Variants in FAM20C observed in about 807,000 individuals in gnomAD.
The protein encoded by FAM20C is extracellular serine/threonine protein kinase FAM20C.
A neutral mutation model predicts 51.5 loss-of-function variants in FAM20C; 40 were observed. The ratio of observed to expected loss-of-function variants is 0.78; its 90% CI spans 0.60 to 1.01. The LOEUF (loss-of-function observed/expected upper bound fraction) is 1.01, where lower values mean the gene tolerates loss of function less well. Among genes scored for constraint, FAM20C ranks in the 50% least tolerant of loss-of-function variants. FAM20C has a pLI of 0.00. For synonymous variants in FAM20C, 406 were observed against 380.6 expected (o/e 1.07, Z -0.78); for missense variants, 861 against 844.7 (o/e 1.02, Z -0.24).
At chr7:258,502 C>T (rs1788738530) in intron 8 of FAM20C, 144 bp from the exon 9 acceptor site, 2 of 707,678 alleles carry the variant, frequency 2.8e-6, no homozygotes, top group Non-Finnish European at 4.9e-6. Flanking sequence ...GACCCACTGC[C>T]CGGGGTGCTG....
intron 5 of FAM20C, among the ~76,000 whole-genome samples, chr7:253,172 G>A (rs548662622): frequency 1.9e-4 from 29 of 152,312 alleles, no homozygotes; most frequent in African/African-American, 5.1e-4. Flanking sequence ...GACCCAGTTC[G>A]GGCACCCAGA....
Position 260,008 on chromosome 7 carries a change from A to T in FAM20C, c.*28A>T, listed in dbSNP as rs1194668624. 1.7e-5 allele frequency: 25 copies of T among 1,483,264 alleles called. No homozygotes were observed. In the East Asian group the frequency reaches 6.3e-4, roughly 37 times the overall value. 91.9% of individuals were successfully genotyped at this position (1,483,264 alleles called of 1,614,324 possible). A position where few individuals can be genotyped will look rare whatever the true frequency, so the allele number is the denominator to read the frequency against. On this transcript the variant is annotated 3_prime_UTR_variant, in exon 10 of 10. Coordinates refer to ENST00000313766, the MANE Select transcript of FAM20C (RefSeq NM_020223.4). ...TCCGCCGGCCGCTGCGCTGCCCGGG[A>T]CGGAGACAGAGGCGCCGGACCTCCC...
chr7:232,534 T>TGA (rs1787733543), intron 3 of FAM20C, among the ~76,000 whole-genome samples: 1 of 152,224 alleles, frequency 6.6e-6, no homozygotes, highest in Non-Finnish European at 1.5e-5. Context: ...TAGCTCAGAG[T>TGA]GAGAGCCACA....
intron 3 of FAM20C, among the ~76,000 whole-genome samples, chr7:212,980 GC>G (rs36031833): frequency 0.66 from 100,359 of 152,034 alleles, 33,623 homozygotes; most frequent in East Asian, 0.76. Flanking sequence ...TCCGCCTCCA[GC>G]CCCCGTCAAG....
chr7:229,732 G>A (rs1243717892), intron 3 of FAM20C, among the ~76,000 whole-genome samples: 1 of 152,230 alleles, frequency 6.6e-6, no homozygotes, highest in African/African-American at 2.4e-5. Flanking sequence ...ACCTTCCAGA[G>A]CTCTGCCGGC....
At chr7:216,660 TGTGAGAGACA>T (rs1359000660) in intron 3 of FAM20C, among the ~76,000 whole-genome samples, 3 of 138,080 alleles carry the variant, frequency 2.2e-5, no homozygotes, top group African/African-American at 5.4e-5. Flanking sequence ...TGAGTGTGTG[TGTGAGAGACA>T]GAGTGTGTGT....
At chr7:248,214 A>T (rs972225643) in intron 4 of FAM20C, 101 bp from the exon 5 acceptor site, 41 of 816,868 alleles carry the variant, frequency 5.0e-5, no homozygotes, top group Middle Eastern at 2.3e-4. Context: ...AGCCGCACAG[A>T]GCACAGACCC....
intron 3 of FAM20C, among the ~76,000 whole-genome samples, chr7:243,944 A>ATTATTATTATTATTATT (rs1554254465): frequency 1.5e-5 from 2 of 136,844 alleles, no homozygotes; most frequent in African/African-American, 5.5e-5. Flanking sequence ...TAATAATAAT[A>ATTATTATTATTATTATT]ATTATTATTA....
At chr7:241,504 G>A (rs1479596498) in intron 3 of FAM20C, among the ~76,000 whole-genome samples, 4 of 152,068 alleles carry the variant, frequency 2.6e-5, no homozygotes, top group East Asian at 1.9e-4. Flanking sequence ...ATGGAGCCGG[G>A]TCTTAGTCCC....
At position 256,639 on chromosome 7, in the gene FAM20C, G is replaced by T. The variant is rs956683757; in HGVS notation, c.1254-15G>T. On this transcript the variant is annotated splice_polypyrimidine_tract_variant and intron_variant, in intron 6 of 9. Transcript: ENST00000313766. ...ATCTGGCCTGGGCCCCCCGTCTCAC[G>T]CTGGCTCCCCGCAGGTGGGAGGTGG... 16 of 1,533,472 alleles carry T rather than the reference G, an allele frequency of 1.0e-5. No individual in the cohort carries two copies. In the South Asian group the frequency reaches 1.4e-4, roughly 14 times the overall value. 95.0% of individuals were successfully genotyped at this position (1,533,472 alleles called of 1,614,324 possible). A position where few individuals can be genotyped will look rare whatever the true frequency, so the allele number is the denominator to read the frequency against.
chr7:259,622 C>T lies in FAM20C; in HGVS notation c.1506-109C>T, dbSNP rs569272157. On this transcript the variant is annotated intron_variant, in intron 9 of 9. Transcript: ENST00000313766. ...TCTGTCTCTGTCCCCCTCTTTCTCT[C>T]TCTGTCTCTCCCCCCACTCTCTCGA... The T allele has an allele frequency of 4.1e-5, 48 of 1,183,442 alleles. No homozygotes were observed. In the East Asian group the frequency reaches 1.0e-3, roughly 25 times the overall value. 73.3% of individuals were successfully genotyped at this position (1,183,442 alleles called of 1,614,324 possible). A position where few individuals can be genotyped will look rare whatever the true frequency, so the allele number is the denominator to read the frequency against.
rs143992852 is a variant in FAM20C, at chr7:207,892, G to T, written c.785-1006G>T. Among the ~76,000 whole-genome samples the T allele has an allele frequency of 7.9e-3, 1,207 of 152,352 alleles. 18 individuals are homozygous for T. The highest frequency in any genetic ancestry group is 0.028 in the African/African-American group (1,148 of 41,582). On this transcript the variant is annotated intron_variant, in intron 2 of 9. Coordinates refer to ENST00000313766, the MANE Select transcript of FAM20C (RefSeq NM_020223.4). ...CCCTTCCTTCTCCACCAGCAAAAAG[G>T]AAATCCCGAGGTGGTGGGAGGAGGG...
chr7:206,714 T>G (rs1470687097), intron 2 of FAM20C, among the ~76,000 whole-genome samples: 26 of 125,768 alleles, frequency 2.1e-4, no homozygotes, highest in East Asian at 4.7e-4. Context: ...GTGACGCGTC[T>G]GTCATGGTCC....
chr7:193,422 T>G lies in FAM20C; in HGVS notation c.223T>G (p.Ser75Ala). 1.4e-6 allele frequency: 2 copies of G among 1,417,452 alleles called. No homozygotes were observed. The highest frequency in any genetic ancestry group is 1.9e-6 in the Non-Finnish European group (2 of 1,074,472). The allele number at this position is 1,417,452 out of a possible 1,614,324, so 87.8% of individuals were successfully genotyped here. A position where few individuals can be genotyped will look rare whatever the true frequency, so the allele number is the denominator to read the frequency against. Reference sequence around the variant, plus strand: ...CCCCGGGGAGCCCCCGGCCGCCTCCTCCGCCGCCGGCGACGCGGGCTGGCC... The same window carrying G: ...CCCCGGGGAGCCCCCGGCCGCCTCCGCCGCCGCCGGCGACGCGGGCTGGCC... ...GRPGEPPAAS[S>A]AAGDAGWPNK... The change falls in exon 1 of 10, where the codon TCC becomes GCC. Residue 75 changes from serine to alanine, a missense_variant. By Grantham distance (99) the Ser-to-Ala change is moderately conservative (BLOSUM62 1). Coordinates refer to ENST00000313766, the MANE Select transcript of FAM20C (RefSeq NM_020223.4).
intron 3 of FAM20C, among the ~76,000 whole-genome samples, chr7:222,653 GT>G (rs1394801408): frequency 6.6e-6 from 1 of 152,122 alleles, no homozygotes; most frequent in Non-Finnish European, 1.5e-5. Flanking sequence ...GGGCCCTGAG[GT>G]GCCAACCAAA....
chr7:217,980 G>A, intron 3 of FAM20C, among the ~76,000 whole-genome samples: 1 of 152,150 alleles, frequency 6.6e-6, no homozygotes, highest in East Asian at 1.9e-4. Flanking sequence ...TGTACAGTGG[G>A]CCGAGGGCTG....
intron 2 of FAM20C, among the ~76,000 whole-genome samples, chr7:207,164 A>ACTG (rs1786451589): frequency 8.8e-5 from 1 of 11,316 alleles, no homozygotes; most frequent in Non-Finnish European, 1.7e-4. Context: ...CTGCACACGT[A>ACTG]TCCACTGTGA....
intron 3 of FAM20C, among the ~76,000 whole-genome samples, chr7:222,830 CAT>C (rs755852738): frequency 2.8e-4 from 43 of 152,086 alleles, no homozygotes; most frequent in Non-Finnish European, 5.3e-4. Flanking sequence ...TGTGTAAGGG[CAT>C]GTGTGTGCAT....
chr7:208,740 G>A (rs758686686), intron 2 of FAM20C, among the ~76,000 whole-genome samples, 158 bp from the exon 3 acceptor site: 2 of 152,146 alleles, frequency 1.3e-5, no homozygotes, highest in African/African-American at 2.4e-5. Context: ...TCAGCCAGGC[G>A]AGAGCTTCAC....
Sources: gnomAD v4.1 joint callset for allele counts (sites outside exome capture counted in the v4.1 genomes callset) on GRCh38, gnomAD v4.1.1 for gene constraint, MANE v1.5 for transcripts, NCBI Gene and HGNC (gene_info 2026-07-23, HGNC 2026-07-21) for gene names.